URGCP: variants seen among roughly 807,000 people sequenced by gnomAD.
URGCP encodes the protein upregulator of cell proliferation.
Under a neutral mutation model 24.6 loss-of-function variants are expected in URGCP, and 13 were observed. The ratio of observed to expected loss-of-function variants is 0.53; its 90% CI spans 0.34 to 0.84. The LOEUF (loss-of-function observed/expected upper bound fraction) is 0.84, where lower values mean the gene tolerates loss of function less well. URGCP is among the 40% of genes least tolerant of loss of function. The probability of loss-of-function intolerance (pLI) is 0.01; values close to 1 mark genes in which losing one functional copy is unlikely to be tolerated. For missense variants in URGCP, 899 were observed against 1,194.3 expected (o/e 0.75, Z 3.64); for synonymous variants, 444 against 487.2 (o/e 0.91, Z 1.17).
rs2095849197 is a variant in URGCP at position 43,878,651 on chromosome 7, C to T, written c.812G>A (p.Ser271Asn). ...PAFAFVRMDV[S>N]SNSKSQLLNA... is the part of the protein sequence containing the mutation. ...GAGAAGCTGGGACTTGGAGTTGCTA[C>T]TGACGTCCATGCGCACGAAGGCGAA... The change falls in exon 6 of 6, where the codon AGT becomes AAT. Residue 271 changes from serine (S) to asparagine (N), a missense_variant. By Grantham distance (46) the Ser-to-Asn change is conservative (BLOSUM62 1). Transcript: ENST00000453200. The surrounding 1 kb of genome is among the most constrained non-coding windows in gnomAD (Gnocchi z 5.6). 1.2e-6 allele frequency: 2 copies of T among 1,613,362 alleles called. No homozygotes were observed. Among genetic ancestry groups the T allele is most frequent in the African/African-American group, 2.7e-5 (2 of 74,954 alleles).
Position 43,877,999 on chromosome 7 carries a change from G to A in URGCP, c.1464C>T (p.Ala488=), listed in dbSNP as rs752458467. ...RITRKIKDSD[A]YRRDELRLQG... is the part of the protein sequence containing the mutation. ...GCAGCCTCAGCTCGTCCCTTCTGTA[G>A]GCATCCGAGTCTTTGATTTTCCTGG... is the stretch of plus-strand genomic sequence containing the variant. The change falls in exon 6 of 6, where the codon GCC becomes GCT. Residue 488 remains alanine (A), a synonymous_variant. Transcript: ENST00000453200. 2 of 1,614,116 alleles carry A rather than the reference G, an allele frequency of 1.2e-6. No homozygotes were observed. Among genetic ancestry groups the A allele is most frequent in the Non-Finnish European group, 1.7e-6 (2 of 1,180,048 alleles).
At chr7:43,895,097 A>C (rs529672622) in intron 1 of URGCP, among the ~76,000 whole-genome samples, 1 of 152,334 alleles carries the variant, frequency 6.6e-6, no homozygotes, top group African/African-American at 2.4e-5. Context: ...ACAGCAAACG[A>C]AACAGCCAAC....
At chr7:43,916,502 AG>A (rs1388177128) in intron 1 of URGCP, among the ~76,000 whole-genome samples, 3 of 152,184 alleles carry the variant, frequency 2.0e-5, no homozygotes, top group African/African-American at 7.2e-5. Flanking sequence ...ACTGGATCTG[AG>A]GGATCCAGAG....
intron 1 of URGCP, among the ~76,000 whole-genome samples, chr7:43,924,902 G>A (rs972107408): frequency 6.6e-6 from 1 of 152,084 alleles, no homozygotes; most frequent in Admixed American, 6.6e-5. Flanking sequence ...GGGACTACAG[G>A]TGCACACCAC....
chr7:43,881,000 G>A (rs942862086), intron 5 of URGCP: 1 of 588,822 alleles, frequency 1.7e-6, no homozygotes, highest in Non-Finnish European at 3.0e-6. Context: ...CCACAGGACT[G>A]CCCCACAGAA....
At chr7:43,889,789 G>A (rs1048671593) in intron 1 of URGCP, among the ~76,000 whole-genome samples, 9 of 152,108 alleles carry the variant, frequency 5.9e-5, no homozygotes, top group Non-Finnish European at 1.0e-4. Flanking sequence ...GGCCCACCCT[G>A]GCCCTTAATT....
At chr7:43,894,478 A>T (rs2095875481) in intron 1 of URGCP, among the ~76,000 whole-genome samples, 1 of 152,112 alleles carries the variant, frequency 6.6e-6, no homozygotes. Flanking sequence ...CCTCCCAAGT[A>T]GCTGAAACTA....
At position 43,877,806 on chromosome 7, in the gene URGCP, A is replaced by G; in HGVS notation, c.1657T>C (p.Ser553Pro). The G allele has an allele frequency of 6.2e-7, 1 of 1,604,770 alleles. No homozygotes were observed. Among genetic ancestry groups the G allele is most frequent in the Non-Finnish European group, 8.5e-7 (1 of 1,175,204 alleles). ...DPSSGVQEFI[S>P]GISSPSLSEK... ...CTCAAGGAGGGGCTGCTGATCCCCG[A>G]GATGAACTCCTGCACCCCCGAGGAG... The change falls in exon 6 of 6, where the codon TCG becomes CCG. Residue 553 changes from serine (S) to proline (P), a missense_variant. Ser to Pro is a moderately conservative substitution (Grantham distance 74). Coordinates refer to ENST00000453200, the MANE Select transcript of URGCP (RefSeq NM_001077663.3).
At position 43,906,350 on chromosome 7, in the gene URGCP, G is replaced by A. The variant is rs1036763629; in HGVS notation, c.14+212C>T. 2.1e-4 allele frequency: 58 copies of A among 272,834 alleles called. No homozygotes were observed. In the Middle Eastern group the frequency reaches 5.5e-3, roughly 26 times the overall value. The allele number at this position is 272,834 out of a possible 1,614,324, so 16.9% of individuals were successfully genotyped here. A position where few individuals can be genotyped will look rare whatever the true frequency, so the allele number is the denominator to read the frequency against. ...CCCGGGGGACCGCTGTCCTCCGCCGGCGCCCCCGCCCGCCCCCCACGCCCG... is the reference window on the plus strand; with the variant it reads ...CCCGGGGGACCGCTGTCCTCCGCCGACGCCCCCGCCCGCCCCCCACGCCCG... On this transcript the variant is annotated intron_variant, in intron 1 of 5. Transcript: ENST00000453200.
rs1379068898 is a variant in URGCP at position 43,883,360 on chromosome 7, A to ATTTTT, written c.113-1404_113-1403insAAAAA. On this transcript the variant is annotated intron_variant, in intron 3 of 5. Transcript: ENST00000453200. The stretch of plus-strand genomic sequence containing the variant: ...TACATATATATATATATATATATAT[A>ATTTTT]TATTTTTTTTTTTTTTTTGAGATGG... 2.3e-3 allele frequency among the ~76,000 whole-genome samples: 226 copies of ATTTTT among 98,206 alleles called. 1 individual carries two copies. The highest frequency in any genetic ancestry group is 3.1e-3 in the Non-Finnish European group (169 of 54,042). 64.4% of individuals were successfully genotyped at this position (98,206 alleles called of 152,430 possible). A position where few individuals can be genotyped will look rare whatever the true frequency, so the allele number is the denominator to read the frequency against.
intron 1 of URGCP, among the ~76,000 whole-genome samples, chr7:43,921,325 CAAA>C (rs199924024): frequency 7.6e-6 from 1 of 130,772 alleles, no homozygotes. Flanking sequence ...GACTCCGTCT[CAAA>C]AAAAAAAAAG....
upstream of URGCP, among the ~76,000 whole-genome samples, chr7:43,910,128 A>G (rs2095908411): frequency 2.0e-5 from 3 of 152,156 alleles, no homozygotes; most frequent in South Asian, 6.2e-4. Flanking sequence ...TAATCTCAGC[A>G]CTTTGGGAGG....
chr7:43,884,880 A>G (rs2132662792), intron 3 of URGCP, among the ~76,000 whole-genome samples: 1 of 152,238 alleles, frequency 6.6e-6, no homozygotes, highest in African/African-American at 2.4e-5. Flanking sequence ...AGATAAATAA[A>G]TTATATCGTG....
At chr7:43,902,977 T>C (rs1254091609) in intron 1 of URGCP, among the ~76,000 whole-genome samples, 1 of 152,074 alleles carries the variant, frequency 6.6e-6, no homozygotes, top group African/African-American at 2.4e-5. Context: ...CCATGGAATA[T>C]TATATGTCTG....
At chr7:43,898,236 C>A (rs1158518251) in intron 1 of URGCP, among the ~76,000 whole-genome samples, 1 of 152,078 alleles carries the variant, frequency 6.6e-6, no homozygotes, top group Non-Finnish European at 1.5e-5. Context: ...CCTGGAAAAC[C>A]CAAGAGATCA....
intron 2 of URGCP, 129 bp from the exon 3 acceptor site, chr7:43,887,614 C>G: frequency 6.8e-7 from 1 of 1,478,686 alleles, no homozygotes; most frequent in East Asian, 2.5e-5. Context: ...ACCCCAGATC[C>G]ATGAAACCAG....
In URGCP at chr7:43,886,263, C is replaced by T. The variant is rs574412965; in HGVS notation, c.112+1152G>A. ...TTGGCCTCCCAAAGTACTGGGATTA[C>T]AGGTGTGAGCCACTGTATCCAGCCT... On this transcript the variant is annotated intron_variant, in intron 3 of 5. Coordinates refer to ENST00000453200, the MANE Select transcript of URGCP (RefSeq NM_001077663.3). Among the ~76,000 whole-genome samples, 15 of 152,324 alleles carry T rather than the reference C, an allele frequency of 9.8e-5. No individual in the cohort carries two copies. The East Asian group carries it at 2.9e-3, about 29-fold the overall frequency.
chr7:43,887,600 T>TCA, intron 2 of URGCP, 115 bp from the exon 3 acceptor site: 1 of 1,496,272 alleles, frequency 6.7e-7, no homozygotes, highest in South Asian at 1.4e-5. Flanking sequence ...AAACCCTGGG[T>TCA]CACACCCCAG....
At chr7:43,926,524 CG>C (rs2095930946), upstream of URGCP, 10 of 1,532,142 alleles carry the variant, frequency 6.5e-6, no homozygotes, top group East Asian at 2.7e-5. Flanking sequence ...TCCCCGGCAG[CG>C]GGGTAGGATG....
Sources: allele counts gnomAD v4.1 joint callset (sites outside exome capture counted in the v4.1 genomes callset), GRCh38; gene constraint gnomAD v4.1.1; non-coding constraint Gnocchi (gnomAD v3.1); transcripts MANE v1.5; gene names NCBI Gene and HGNC (gene_info 2026-07-23, HGNC 2026-07-21).